Variants in RBFOX3 observed in about 807,000 individuals in gnomAD.
RBFOX3 encodes RNA binding fox-1 homolog 3.
A neutral mutation model predicts 48.7 loss-of-function variants in RBFOX3; 17 were observed. That is an observed-to-expected ratio of 0.35 (90% CI 0.24 to 0.52). The LOEUF (loss-of-function observed/expected upper bound fraction) is 0.52. Among genes scored for constraint, RBFOX3 ranks in the 20% least tolerant of loss-of-function variants. The pLI is 0.94. For missense variants in RBFOX3, 382 were observed against 497.5 expected (o/e 0.77, Z 2.21); for synonymous variants, 212 against 209.5 (o/e 1.01, Z -0.10).
At chr17:79,237,624 AGT>A (rs1044314837) in intron 3 of RBFOX3, among the ~76,000 whole-genome samples, 1 of 152,240 alleles carries the variant, frequency 6.6e-6, no homozygotes, top group African/African-American at 2.4e-5. Flanking sequence ...TGCAGATCAC[AGT>A]GGCAGTATTG....
At chr17:79,189,716 G>A (rs960300114) in intron 4 of RBFOX3, among the ~76,000 whole-genome samples, 4 of 152,126 alleles carry the variant, frequency 2.6e-5, no homozygotes, top group Non-Finnish European at 4.4e-5. Flanking sequence ...CCCTCACCCC[G>A]TGCTCAGCTG....
chr17:79,119,887 C>G (rs937960836), intron 4 of RBFOX3, among the ~76,000 whole-genome samples: 1 of 152,194 alleles, frequency 6.6e-6, no homozygotes, highest in African/African-American at 2.4e-5. Context: ...CCACTTACAA[C>G]CAATGTTTCC....
chr17:79,568,465 T>C (rs2144461239), intron 1 of RBFOX3, among the ~76,000 whole-genome samples: 2 of 149,512 alleles, frequency 1.3e-5, no homozygotes, highest in African/African-American at 4.9e-5. Flanking sequence ...TATTCCAAAA[T>C]AAAAAAAAAA....
chr17:79,101,177 T>G (rs1255506982), intron 9 of RBFOX3, among the ~76,000 whole-genome samples: 1 of 152,134 alleles, frequency 6.6e-6, no homozygotes, highest in African/African-American at 2.4e-5. Context: ...CTGCCCTCCC[T>G]GAGCCTGCTT....
intron 3 of RBFOX3, among the ~76,000 whole-genome samples, chr17:79,306,311 G>A (rs1424910808): frequency 1.3e-5 from 2 of 152,266 alleles, no homozygotes; most frequent in Non-Finnish European, 2.9e-5. Flanking sequence ...ACTCAGCAGT[G>A]CTAGCTGACA....
intron 2 of RBFOX3, among the ~76,000 whole-genome samples, chr17:79,315,823 G>T (rs2077465271): frequency 6.6e-6 from 1 of 152,202 alleles, no homozygotes; most frequent in Non-Finnish European, 1.5e-5. Context: ...CGCTTAAATG[G>T]CGCGCCGAGG....
chr17:79,165,054 A>C (rs1378880771), intron 4 of RBFOX3, among the ~76,000 whole-genome samples: 1 of 152,152 alleles, frequency 6.6e-6, no homozygotes, highest in Non-Finnish European at 1.5e-5. Flanking sequence ...GCCCCTGAAC[A>C]AAAGCAGCCG....
intron 1 of RBFOX3, among the ~76,000 whole-genome samples, chr17:79,562,529 G>A (rs1193787637): frequency 1.3e-5 from 2 of 152,190 alleles, no homozygotes; most frequent in African/African-American, 4.8e-5. Flanking sequence ...GCCCACCATT[G>A]CTAAAACATT....
intron 4 of RBFOX3, among the ~76,000 whole-genome samples, chr17:79,137,088 CCTGTTTGGGTT>C (rs2040387119): frequency 6.6e-6 from 1 of 152,194 alleles, no homozygotes; most frequent in African/African-American, 2.4e-5. Context: ...CAGAGGCACC[CCTGTTTGGGTT>C]CTGAACCCCA....
chr17:79,108,167 A>C (rs2077771481), intron 5 of RBFOX3, among the ~76,000 whole-genome samples: 1 of 152,224 alleles, frequency 6.6e-6, no homozygotes, highest in Non-Finnish European at 1.5e-5. Context: ...CTCAGAGGCC[A>C]TGTGGCTTCT....
chr17:79,467,174 C>T lies in RBFOX3; in HGVS notation c.-175+15280G>A, dbSNP rs370389037. On this transcript the variant is annotated intron_variant, in intron 2 of 14. Coordinates refer to ENST00000693108, the MANE Select transcript of RBFOX3 (RefSeq NM_001350451.2). ...GAGGCCCTCCTCACACCTGGTGGCA[C>T]GGGCTGCTGCAGACGGGGGGTCCTA... is the stretch of plus-strand genomic sequence containing the variant. Among the ~76,000 whole-genome samples the T allele has an allele frequency of 1.1e-4, 17 of 152,148 alleles. No individual in the cohort carries two copies. In the East Asian group the frequency reaches 1.6e-3, roughly 14 times the overall value.
rs2061264048 is a variant in RBFOX3, at chr17:79,390,600, C to T, written c.-174-82776G>A. ...TCAAGTGATTCTCCTGCCTCAGCCTCCCAAGTAGCTGGGATTACAGGCGCC... is the reference window on the plus strand; with the variant it reads ...TCAAGTGATTCTCCTGCCTCAGCCTTCCAAGTAGCTGGGATTACAGGCGCC... On this transcript the variant is annotated intron_variant, in intron 2 of 14. Transcript: ENST00000693108. This position sits in a 1 kb window ranked among gnomAD's most constrained non-coding sequence, Gnocchi z 4.2. 6.6e-6 allele frequency among the ~76,000 whole-genome samples: 1 copy of T among 152,148 alleles called. No individual in the cohort carries two copies. Among genetic ancestry groups the T allele is most frequent in the Non-Finnish European group, 1.5e-5 (1 of 68,040 alleles).
rs2057487527 is a variant in RBFOX3, at chr17:79,364,806, C to G, written c.-174-56982G>C. Among the ~76,000 whole-genome samples the G allele has an allele frequency of 6.6e-6, 1 of 152,168 alleles. No homozygotes were observed. The highest frequency in any genetic ancestry group is 2.1e-4 in the South Asian group (1 of 4,834). ...AAAGCCCCAGGATGACTACCCAGCC[C>G]ACGCATGTGGCCTTACCTACAGCCT... On this transcript the variant is annotated intron_variant, in intron 2 of 14. Transcript: ENST00000693108. The surrounding 1 kb of genome is among the most constrained non-coding windows in gnomAD (Gnocchi z 5.1).
the RBFOX3 span, among the ~76,000 whole-genome samples, chr17:79,630,221 A>G: frequency 2.5e-4 from 38 of 152,346 alleles, no homozygotes; most frequent in African/African-American, 8.9e-4. Flanking sequence ...AGAACCCCGC[A>G]GAGTCTCAGG....
rs980051041 is a variant in RBFOX3 at position 79,282,588 on chromosome 17, T to C, written c.-74+25136A>G. ...AGGGGTGTGGGGTGGGCAGGGAGGG[T>C]CACTGCACGGGGATGTGGCTGCAGG... is the stretch of plus-strand genomic sequence containing the variant. On this transcript the variant is annotated intron_variant, in intron 3 of 14. Coordinates refer to ENST00000693108, the MANE Select transcript of RBFOX3 (RefSeq NM_001350451.2). Among the ~76,000 whole-genome samples the C allele has an allele frequency of 3.3e-5, 5 of 151,760 alleles. No individual in the cohort carries two copies. The East Asian group carries it at 9.7e-4, about 30-fold the overall frequency.
At chr17:79,339,434 GCA>G (rs1018948114) in intron 2 of RBFOX3, among the ~76,000 whole-genome samples, 1 of 152,162 alleles carries the variant, frequency 6.6e-6, no homozygotes, top group African/African-American at 2.4e-5. Context: ...TCAAGAAAAG[GCA>G]CAGTGCAACA....
chr17:79,100,637 G>C (rs575839078), intron 9 of RBFOX3, among the ~76,000 whole-genome samples: 1 of 152,204 alleles, frequency 6.6e-6, no homozygotes, highest in Non-Finnish European at 1.5e-5. Context: ...GAAAGTCCAC[G>C]GCAACAGGGA....
intron 4 of RBFOX3, among the ~76,000 whole-genome samples, chr17:79,137,633 G>T (rs1870622): frequency 1.3e-5 from 2 of 152,040 alleles, no homozygotes; most frequent in Non-Finnish European, 2.9e-5. Flanking sequence ...AGCTGCTGGC[G>T]CCTGGCCTGG....
At chr17:79,656,883 AGGAAGGAAGGAG>A in the RBFOX3 span, among the ~76,000 whole-genome samples, 832 of 143,796 alleles carry the variant, frequency 5.8e-3, 8 homozygotes, top group Middle Eastern at 0.014. Context: ...GAAGGAAGGA[AGGAAGGAAGGAG>A]GGAAGGAAGG....
Sources: allele counts gnomAD v4.1 joint callset (sites outside exome capture counted in the v4.1 genomes callset), GRCh38; gene constraint gnomAD v4.1.1; non-coding constraint Gnocchi (gnomAD v3.1); transcripts MANE v1.5; gene names NCBI Gene and HGNC (gene_info 2026-07-23, HGNC 2026-07-21).